The following MIB1 variants were observed in gnomAD, a reference collection of about 807,000 sequenced individuals.
The protein encoded by MIB1 is MIB E3 ubiquitin protein ligase 1, also known as E3 ubiquitin-protein ligase MIB1.
MIB1 carries 278 observed loss-of-function variants against 124.5 expected under a neutral mutation model. The ratio of observed to expected loss-of-function variants is 2.23; its 90% confidence interval spans 2.02 to 2.47. The LOEUF is 2.47. MIB1 is among the 30% of genes most tolerant of loss of function. The pLI, the probability that MIB1 is intolerant of heterozygous loss-of-function variation, is 0.00. For synonymous variants in MIB1, 446 were observed against 429.4 expected, an observed-to-expected ratio of 1.04 and a Z score of -0.48; for missense variants, 957 against 1,254.4, an observed-to-expected ratio of 0.76 and a Z score of 3.58.
At chr18:21,775,529 A>G (rs1406444096) in intron 4 of MIB1, among the ~76,000 whole-genome samples, 1 of 152,256 alleles carries the variant, frequency 6.6e-6, no homozygotes, top group Non-Finnish European at 1.5e-5. Context: ...AGCATGAGCT[A>G]CTACAGCTGA....
intron 6 of MIB1, among the ~76,000 whole-genome samples, chr18:21,786,253 C>T (rs1318625772): frequency 6.6e-6 from 1 of 152,056 alleles, no homozygotes; most frequent in African/African-American, 2.4e-5. Flanking sequence ...CCTGCCACGA[C>T]ACCTGGCTAA....
At position 21,846,970 on chromosome 18, in the gene MIB1, G is replaced by A. The variant is rs770134075; in HGVS notation, c.2238G>A (p.Gly746=). The change falls in exon 16 of 21, where the codon GGG becomes GGA. Residue 746 remains glycine (G), a synonymous_variant. Coordinates refer to ENST00000261537, the MANE Select transcript of MIB1 (RefSeq NM_020774.4). ...NTLIMGLGTQ[G]AEKKSAASIA... ...TAATAATGGGACTTGGTACCCAGGG[G>A]GCAGAGAAGAAGAGTGCAGCATCTA... The A allele has an allele frequency of 5.6e-6, 9 of 1,613,958 alleles. No individual in the cohort carries two copies. The South Asian group carries it at 9.9e-5, about 18-fold the overall frequency.
chr18:21,856,588 A>G (rs2042231240), intron 18 of MIB1, among the ~76,000 whole-genome samples: 1 of 152,214 alleles, frequency 6.6e-6, no homozygotes, highest in Non-Finnish European at 1.5e-5. Flanking sequence ...GAGAGAGAGC[A>G]TTAGGACAAA....
At chr18:21,754,782 G>A (rs951700154) in intron 1 of MIB1, among the ~76,000 whole-genome samples, 2 of 152,222 alleles carry the variant, frequency 1.3e-5, no homozygotes, top group African/African-American at 4.8e-5. Flanking sequence ...TAGGGCCACA[G>A]TGCCTAAGTG....
Position 21,781,365 on chromosome 18 carries a change from T to TTA in MIB1, c.908+1729_908+1730dup, listed in dbSNP as rs57641355. On this transcript the variant is annotated intron_variant, in intron 6 of 20. Transcript: ENST00000261537. ...GTTACTCATTATTGGTCTGTTCAAG[T>TTA]TATATATATATATATATATATATAT... Among the ~76,000 whole-genome samples, 367 of 66,922 alleles carry TTA rather than the reference T, an allele frequency of 5.5e-3. 4 individuals are homozygous for TTA. Among genetic ancestry groups the TTA allele is most frequent in the Non-Finnish European group, 7.9e-3 (241 of 30,420 alleles). 43.9% of individuals were successfully genotyped at this position (66,922 alleles called of 152,430 possible).
intron 1 of MIB1, among the ~76,000 whole-genome samples, chr18:21,735,763 T>C (rs910315143): frequency 8.5e-5 from 13 of 152,202 alleles, no homozygotes; most frequent in Non-Finnish European, 5.9e-5. Flanking sequence ...CTGCCGGAAG[T>C]TCGAACTGGG....
At position 21,868,168 on chromosome 18, in the gene MIB1, AAGAATAC is replaced by A. The variant is rs1244388842; in HGVS notation, c.*3505_*3511del. On this transcript the variant is annotated 3_prime_UTR_variant, in exon 21 of 21. Transcript: ENST00000261537. ...AAATTTACCATATTAACTGTTTCTA[AAGAATAC>A]AGTTCAGCCATGTGAAGTACATTTA... 2 of 152,050 alleles carry A rather than the reference AAGAATAC, an allele frequency of 1.3e-5. No individual in the cohort carries two copies. The highest frequency in any genetic ancestry group is 4.8e-5 in the African/African-American group (2 of 41,442). 9.4% of individuals were successfully genotyped at this position (152,050 alleles called of 1,614,324 possible).
At chr18:21,810,474 T>TTCAAGTCCTTGAAAGTCA (rs1404549239) in intron 10 of MIB1, among the ~76,000 whole-genome samples, 1 of 152,038 alleles carries the variant, frequency 6.6e-6, no homozygotes, top group Non-Finnish European at 1.5e-5. Context: ...GACTCACTCT[T>TTCAAGTCCTTGAAAGTCA]CCTACTTTCA....
chr18:21,779,377 TG>T, intron 5 of MIB1, 103 bp from the exon 6 acceptor site: 1 of 853,596 alleles, frequency 1.2e-6, no homozygotes, highest in South Asian at 1.6e-5. Context: ...TAAAACTAGA[TG>T]GTACCTGAAA....
chr18:21,720,397 A>G (rs1355912952), intron 1 of MIB1, among the ~76,000 whole-genome samples: 3 of 152,218 alleles, frequency 2.0e-5, no homozygotes, highest in Non-Finnish European at 4.4e-5. Context: ...TGCAGAGATA[A>G]ACAACACTTC....
At chr18:21,718,200 G>A (rs1388892447) in intron 1 of MIB1, among the ~76,000 whole-genome samples, 2 of 152,050 alleles carry the variant, frequency 1.3e-5, no homozygotes, top group Non-Finnish European at 2.9e-5. Context: ...AGGATGCAAA[G>A]GCATAATAAT....
chr18:21,764,108 A>G (rs1034117034), intron 1 of MIB1, among the ~76,000 whole-genome samples: 1 of 152,112 alleles, frequency 6.6e-6, no homozygotes, highest in African/African-American at 2.4e-5. Flanking sequence ...TTCTGTCCCT[A>G]CAGTCAAGCA....
At chr18:21,800,039 C>A in intron 9 of MIB1, 65 bp downstream of exon 9, 1 of 1,307,348 alleles carries the variant, frequency 7.6e-7, no homozygotes, top group Non-Finnish European at 1.0e-6. Flanking sequence ...ACCTTATCCT[C>A]AACAATTACT....
chr18:21,842,618 T>C (rs2042101559), intron 13 of MIB1, among the ~76,000 whole-genome samples: 1 of 152,174 alleles, frequency 6.6e-6, no homozygotes, highest in African/African-American at 2.4e-5. Flanking sequence ...CTTTAATGCA[T>C]AATTTTATGT....
Position 21,844,084 on chromosome 18 carries a change from T to A in MIB1, c.2050-8T>A. 2 of 1,612,944 alleles carry A rather than the reference T, an allele frequency of 1.2e-6. No homozygotes were observed. The highest frequency in any genetic ancestry group is 1.7e-6 in the Non-Finnish European group (2 of 1,179,572). The stretch of plus-strand genomic sequence containing the variant: ...ACTTTGCCAAAATGAGACATCTTTC[T>A]CTTTTAGCTTTTGGTCCGTGCAGGT... On this transcript the variant is annotated splice_polypyrimidine_tract_variant and splice_region_variant and intron_variant, in intron 14 of 20. Transcript: ENST00000261537.
At chr18:21,809,604 A>G (rs979991074) in intron 10 of MIB1, among the ~76,000 whole-genome samples, 2 of 152,138 alleles carry the variant, frequency 1.3e-5, no homozygotes, top group Non-Finnish European at 2.9e-5. Context: ...TTAACATAGG[A>G]AAATCAATTA....
At chr18:21,769,294 G>T (rs902715241) in intron 3 of MIB1, among the ~76,000 whole-genome samples, 24 of 152,194 alleles carry the variant, frequency 1.6e-4, no homozygotes, top group African/African-American at 5.8e-4. Context: ...GAATGGGGGT[G>T]AAGAGGAGAG....
At chr18:21,747,381 C>T (rs1334037807) in intron 1 of MIB1, among the ~76,000 whole-genome samples, 1 of 152,180 alleles carries the variant, frequency 6.6e-6, no homozygotes, top group Non-Finnish European at 1.5e-5. Context: ...TTTTAAAATG[C>T]AGATTCTGGT....
intron 1 of MIB1, among the ~76,000 whole-genome samples, chr18:21,708,381 T>G (rs1246604697): frequency 6.6e-6 from 1 of 152,180 alleles, no homozygotes; most frequent in African/African-American, 2.4e-5. Flanking sequence ...TGGCTGGGCA[T>G]AGTGGCTCAC....
Sources: allele counts gnomAD v4.1 joint callset (sites outside exome capture counted in the v4.1 genomes callset), GRCh38; gene constraint gnomAD v4.1.1; transcripts MANE v1.5; gene names NCBI Gene and HGNC (gene_info 2026-07-23, HGNC 2026-07-21).